The following OMA1 variants were observed in gnomAD, a reference collection of about 807,000 sequenced individuals.
OMA1 encodes the protein metalloendopeptidase OMA1, mitochondrial.
A neutral mutation model predicts 30.9 loss-of-function variants in OMA1; 38 were observed. The ratio of observed to expected loss-of-function variants is 1.23; its 90% CI spans 0.95 to 1.61. OMA1 has a LOEUF of 1.61. Ranked by LOEUF, OMA1 falls within the 40% of genes most tolerant of loss-of-function variation. The probability of loss-of-function intolerance (pLI) is 0.00; values close to 1 mark genes in which losing one functional copy is unlikely to be tolerated. For synonymous variants in OMA1, 173 were observed against 121.9 expected (o/e 1.42, Z -2.76); for missense variants, 461 against 349.2 (o/e 1.32, Z -2.55).
At chr1:58,510,919 T>G (rs1283893514) in intron 7 of OMA1, among the ~76,000 whole-genome samples, 1 of 151,342 alleles carries the variant, frequency 6.6e-6, no homozygotes, top group African/African-American at 2.4e-5. Flanking sequence ...ACTAAGGAGG[T>G]GAAAGCCTTC....
intron 1 of OMA1, among the ~76,000 whole-genome samples, chr1:58,540,337 AG>A (rs1014107276): frequency 1.3e-5 from 2 of 152,156 alleles, no homozygotes; most frequent in African/African-American, 2.4e-5. Context: ...ACACTTAACA[AG>A]GTGCAATTTA....
At chr1:58,509,654 A>G (rs1646043446) in intron 7 of OMA1, among the ~76,000 whole-genome samples, 1 of 151,546 alleles carries the variant, frequency 6.6e-6, no homozygotes, top group African/African-American at 2.4e-5. Context: ...AATAATAAAG[A>G]TTAGAGCATA....
chr1:58,523,589 T>C (rs528954900), intron 7 of OMA1, among the ~76,000 whole-genome samples: 1 of 152,120 alleles, frequency 6.6e-6, no homozygotes, highest in East Asian at 1.9e-4. Flanking sequence ...ACCAGAGGAA[T>C]TGAGAATGTA....
chr1:58,520,803 G>T (rs902992408), intron 7 of OMA1, among the ~76,000 whole-genome samples: 29 of 151,946 alleles, frequency 1.9e-4, no homozygotes, highest in African/African-American at 7.0e-4. Flanking sequence ...CTTTTAAGAT[G>T]TACACGGCAA....
At chr1:58,489,444 G>A (rs577676646) in intron 8 of OMA1, among the ~76,000 whole-genome samples, 18 of 152,328 alleles carry the variant, frequency 1.2e-4, no homozygotes, top group African/African-American at 4.3e-4. Context: ...AAGCAGCTGG[G>A]AAGCTCGAAC....
At chr1:58,528,223 T>C (rs1053416247) in intron 6 of OMA1, among the ~76,000 whole-genome samples, 2 of 152,224 alleles carry the variant, frequency 1.3e-5, no homozygotes, top group African/African-American at 2.4e-5. Context: ...GTCAAGTCTA[T>C]TGATAACATA....
chr1:58,514,879 G>A (rs189898946), intron 7 of OMA1, among the ~76,000 whole-genome samples: 163 of 152,262 alleles, frequency 1.1e-3, no homozygotes, highest in African/African-American at 3.9e-3. Flanking sequence ...AAACCTTACT[G>A]TCTATGAGAG....
chr1:58,546,643 C>T (rs1399354161), intron 1 of OMA1, 60 bp downstream of exon 1: 1 of 152,630 alleles, frequency 6.6e-6, no homozygotes, highest in African/African-American at 2.4e-5. Context: ...ACTCTGCCTC[C>T]TCCCCTGGGC....
intron 7 of OMA1, among the ~76,000 whole-genome samples, chr1:58,511,046 C>A (rs551182211): frequency 2.0e-5 from 3 of 152,224 alleles, no homozygotes; most frequent in South Asian, 2.1e-4. Context: ...AATATCCATA[C>A]CACCCAAGGT....
chr1:58,543,505 T>C (rs947507606), intron 1 of OMA1, among the ~76,000 whole-genome samples: 1 of 152,142 alleles, frequency 6.6e-6, no homozygotes, highest in African/African-American at 2.4e-5. Context: ...ATGGTGTTGA[T>C]CACTACCCAC....
At chr1:58,541,941 T>C (rs376262770) in intron 1 of OMA1, among the ~76,000 whole-genome samples, 1 of 152,192 alleles carries the variant, frequency 6.6e-6, no homozygotes, top group East Asian at 1.9e-4. Context: ...AAAATCTTCA[T>C]ATAAAAGTTG....
chr1:58,498,490 C>T (rs1645842643), intron 8 of OMA1, among the ~76,000 whole-genome samples: 1 of 152,100 alleles, frequency 6.6e-6, no homozygotes, highest in South Asian at 2.1e-4. Flanking sequence ...GTGTCAATGG[C>T]CCTAATCCAA....
chr1:58,544,219 C>T (rs10889100), intron 1 of OMA1, among the ~76,000 whole-genome samples: 98,811 of 152,070 alleles, frequency 0.65, 34,195 homozygotes, highest in East Asian at 0.94. Flanking sequence ...ACGACCTTAA[C>T]CAAACATTCA....
rs775733578 is a variant in OMA1, at chr1:58,506,052, C to G, written c.1365+8G>C. 1 of 859,690 alleles carries G rather than the reference C, an allele frequency of 1.2e-6. No individual in the cohort carries two copies. The highest frequency in any genetic ancestry group is 1.7e-5 in the Admixed American group (1 of 58,482). 53.3% of individuals were successfully genotyped at this position (859,690 alleles called of 1,614,324 possible). A position where few individuals can be genotyped will look rare whatever the true frequency, so the allele number is the denominator to read the frequency against. On this transcript the variant is annotated splice_region_variant and intron_variant, in intron 8 of 8. Transcript: ENST00000371226. ...AATAATGTCCCGCCTTCTACGGTGT[C>G]AGCTCACCTGAGGTATAAGTCTATC...
At chr1:58,496,271 A>G (rs1645801095) in intron 8 of OMA1, among the ~76,000 whole-genome samples, 1 of 151,918 alleles carries the variant, frequency 6.6e-6, no homozygotes, top group Non-Finnish European at 1.5e-5. Flanking sequence ...TGCTCTTTAC[A>G]GCCTCCACCG....
intron 4 of OMA1, 44 bp downstream of exon 4, chr1:58,534,114 C>G (rs1646479457): frequency 2.3e-6 from 2 of 867,034 alleles, no homozygotes; most frequent in Non-Finnish European, 4.0e-6. Flanking sequence ...AAAATAAGGA[C>G]AATAAATTTA....
At chr1:58,528,475 T>C (rs1460953244) in intron 6 of OMA1, among the ~76,000 whole-genome samples, 1 of 152,254 alleles carries the variant, frequency 6.6e-6, no homozygotes, top group African/African-American at 2.4e-5. Context: ...TGCTTTAAAT[T>C]AATGATTCTA....
At chr1:58,496,005 G>A (rs1338997269) in intron 8 of OMA1, among the ~76,000 whole-genome samples, 6 of 151,964 alleles carry the variant, frequency 3.9e-5, no homozygotes, top group Admixed American at 3.9e-4. Context: ...ATGATACTCT[G>A]GGAATCTCCT....
chr1:58,521,686 C>G (rs1215883729), intron 7 of OMA1, among the ~76,000 whole-genome samples: 2 of 151,880 alleles, frequency 1.3e-5, no homozygotes, highest in African/African-American at 4.8e-5. Flanking sequence ...ACAAAAATTC[C>G]TAGAAAAACT....
Sources: gnomAD v4.1 joint callset for allele counts (sites outside exome capture counted in the v4.1 genomes callset) on GRCh38, gnomAD v4.1.1 for gene constraint, MANE v1.5 for transcripts, NCBI Gene and HGNC (gene_info 2026-07-23, HGNC 2026-07-21) for gene names.